CREB3L2: variants seen among roughly 807,000 people sequenced by gnomAD.
CREB3L2 encodes cyclic AMP-responsive element-binding protein 3-like protein 2.
In CREB3L2, 23 loss-of-function variants were observed where a neutral mutation model predicts 57.2. The ratio of observed to expected loss-of-function variants is 0.40; its 90% CI spans 0.29 to 0.57. The LOEUF is 0.57. CREB3L2 is among the 20% of genes least tolerant of loss of function. CREB3L2 has a pLI of 0.42. For synonymous variants in CREB3L2, 268 were observed against 265.1 expected (o/e 1.01, Z -0.11); for missense variants, 628 against 634.7 (o/e 0.99, Z 0.11).
chr7:137,941,167 C>T (rs891959215), intron 1 of CREB3L2, among the ~76,000 whole-genome samples: 1 of 152,230 alleles, frequency 6.6e-6, no homozygotes, highest in South Asian at 2.1e-4. Context: ...CTCTGTAGAT[C>T]CTAGCAGCAA....
Position 137,879,120 on chromosome 7 carries a change from T to G in CREB3L2, c.*1356A>C, listed in dbSNP as rs1194236059. 3 of 501,086 alleles carry G rather than the reference T, an allele frequency of 6.0e-6. No individual in the cohort carries two copies. Among genetic ancestry groups the G allele is most frequent in the Non-Finnish European group, 1.1e-5 (3 of 265,798 alleles). 31.0% of individuals were successfully genotyped at this position (501,086 alleles called of 1,614,324 possible). ...AAAGGCAATTTCCACTTCTTATTTA[T>G]ATGAAAGAGGAAAGATTTTTTTAAA... On this transcript the variant is annotated 3_prime_UTR_variant, in exon 12 of 12. Coordinates refer to ENST00000330387, the MANE Select transcript of CREB3L2 (RefSeq NM_194071.4).
At chr7:137,908,191 G>T in intron 5 of CREB3L2, 61 bp downstream of exon 5, 1 of 1,137,176 alleles carries the variant, frequency 8.8e-7, no homozygotes, top group Non-Finnish European at 1.1e-6. Context: ...TCTGGATACA[G>T]CCCCAGGGGA....
At chr7:137,956,605 G>A (rs1801216565) in intron 1 of CREB3L2, 1 of 1,288,960 alleles carries the variant, frequency 7.8e-7, no homozygotes, top group Non-Finnish European at 1.0e-6. Context: ...CCTTCACACG[G>A]ACAGCCATGC....
chr7:137,887,752 T>C (rs1799452864), intron 8 of CREB3L2, among the ~76,000 whole-genome samples: 1 of 152,070 alleles, frequency 6.6e-6, no homozygotes, highest in African/African-American at 2.4e-5. Flanking sequence ...CTACATGACA[T>C]TTTCCCCAGG....
At chr7:137,946,936 TTA>T (rs59426983) in intron 1 of CREB3L2, among the ~76,000 whole-genome samples, 1 of 92,624 alleles carries the variant, frequency 1.1e-5, no homozygotes, top group African/African-American at 5.0e-5. Context: ...ATATATATAG[TTA>T]TATATATAGT....
intron 1 of CREB3L2, among the ~76,000 whole-genome samples, chr7:137,981,531 A>C (rs761311713): frequency 2.0e-5 from 3 of 152,236 alleles, no homozygotes; most frequent in Non-Finnish European, 4.4e-5. Context: ...GCTAGAAAAC[A>C]GTCCAGACCC....
At position 137,876,858 on chromosome 7, in the gene CREB3L2, C is replaced by T. The variant is rs902366541; in HGVS notation, c.*3618G>A. ...TCTTCTAGTGCATCTCTGCCCTCTC[C>T]GTGTTGGCAAGGTTGGCATGAATGG... On this transcript the variant is annotated 3_prime_UTR_variant, in exon 12 of 12. Transcript: ENST00000330387. 12 of 232,006 alleles carry T rather than the reference C, an allele frequency of 5.2e-5. No individual in the cohort carries two copies. Among genetic ancestry groups the T allele is most frequent in the East Asian group, 3.7e-4 (6 of 16,410 alleles). The allele number at this position is 232,006 out of a possible 1,614,324, so 14.4% of individuals were successfully genotyped here. A position where few individuals can be genotyped will look rare whatever the true frequency, so the allele number is the denominator to read the frequency against.
At chr7:137,905,916 A>G (rs779663733) in intron 5 of CREB3L2, 68 bp from the exon 6 acceptor site, 47 of 1,419,468 alleles carry the variant, frequency 3.3e-5, no homozygotes, top group Non-Finnish European at 4.5e-5. Context: ...ATCACCTCCC[A>G]ATGGGATGAT....
At chr7:137,970,108 G>A (rs1050120566) in intron 1 of CREB3L2, among the ~76,000 whole-genome samples, 3 of 152,176 alleles carry the variant, frequency 2.0e-5, no homozygotes, top group Admixed American at 6.5e-5. Context: ...ACCATCTAAA[G>A]AGCAAGTTTC....
chr7:137,914,599 C>T (rs1403804412), intron 3 of CREB3L2, among the ~76,000 whole-genome samples: 1 of 152,022 alleles, frequency 6.6e-6, no homozygotes, highest in Non-Finnish European at 1.5e-5. Context: ...CCACTGCACT[C>T]CAGCTTGGGT....
intron 1 of CREB3L2, among the ~76,000 whole-genome samples, chr7:137,986,274 G>T (rs1429921773): frequency 6.6e-6 from 1 of 152,222 alleles, no homozygotes; most frequent in Non-Finnish European, 1.5e-5. Context: ...GTGAATAAAA[G>T]AAAGTCTCTG....
intron 8 of CREB3L2, among the ~76,000 whole-genome samples, chr7:137,893,015 A>G (rs7786632): frequency 0.056 from 8,554 of 152,034 alleles, 737 homozygotes; most frequent in African/African-American, 0.19. Flanking sequence ...GTAAATACCT[A>G]TATGTTTATG....
Position 137,957,972 on chromosome 7 carries a change from G to A in CREB3L2, c.103-29606C>T, listed in dbSNP as rs764709121. The A allele has an allele frequency of 2.2e-4, 70 of 318,718 alleles. 2 individuals carry two copies. Among genetic ancestry groups the A allele is most frequent in the Middle Eastern group, 1.0e-3 (2 of 1,934 alleles). The allele number at this position is 318,718 out of a possible 1,614,324, so 19.7% of individuals were successfully genotyped here. A position where few individuals can be genotyped will look rare whatever the true frequency, so the allele number is the denominator to read the frequency against. On this transcript the variant is annotated intron_variant, in intron 1 of 11. Coordinates refer to ENST00000330387, the MANE Select transcript of CREB3L2 (RefSeq NM_194071.4). ...AGGAACATTGTGTCTGGCGTGTTCC[G>A]TCCTAGGCCTGGCCCACTGAAGTCC...
At chr7:137,927,407 G>C (rs549336297) in intron 2 of CREB3L2, among the ~76,000 whole-genome samples, 1 of 129,062 alleles carries the variant, frequency 7.7e-6, no homozygotes, top group African/African-American at 4.1e-5. Context: ...GGGAAGGAAG[G>C]GAAGGGAAGG....
chr7:137,904,809 A>G (rs1458301385), intron 6 of CREB3L2, among the ~76,000 whole-genome samples: 1 of 150,776 alleles, frequency 6.6e-6, no homozygotes, highest in Non-Finnish European at 1.5e-5. Context: ...ACTACACTCC[A>G]GCCTGGGTGA....
At chr7:137,994,813 T>C (rs1450390026) in intron 1 of CREB3L2, among the ~76,000 whole-genome samples, 1 of 152,140 alleles carries the variant, frequency 6.6e-6, no homozygotes, top group Non-Finnish European at 1.5e-5. Flanking sequence ...ACTCTGCGAG[T>C]GGCACAGTAC....
intron 7 of CREB3L2, among the ~76,000 whole-genome samples, chr7:137,901,655 C>T (rs1428604188): frequency 2.0e-5 from 3 of 150,884 alleles, no homozygotes; most frequent in African/African-American, 2.4e-5. Context: ...CCGAAGCAGG[C>T]GGATCACAAG....
intron 4 of CREB3L2, among the ~76,000 whole-genome samples, chr7:137,910,939 T>C (rs1332128816): frequency 2.2e-4 from 34 of 152,232 alleles, no homozygotes; most frequent in Admixed American, 2.1e-3. Context: ...TTGAATTTCC[T>C]TATCTCAGTT....
chr7:137,975,648 C>T (rs370761896), intron 1 of CREB3L2, among the ~76,000 whole-genome samples: 3 of 152,250 alleles, frequency 2.0e-5, no homozygotes, highest in East Asian at 3.9e-4. Flanking sequence ...CTCCTAGATG[C>T]TCTCTGCGTC....
Sources: allele counts gnomAD v4.1 joint callset (sites outside exome capture counted in the v4.1 genomes callset), GRCh38; gene constraint gnomAD v4.1.1; transcripts MANE v1.5; gene names NCBI Gene and HGNC (gene_info 2026-07-23, HGNC 2026-07-21).